Variants in RGS8 observed in about 807,000 individuals in gnomAD.
The protein encoded by RGS8 is regulator of G protein signaling 8, also known as regulator of G-protein signaling 8.
RGS8 carries 8 observed loss-of-function variants against 21.7 expected under a neutral mutation model. The observed-to-expected ratio is 0.37, with a 90% CI of 0.22 to 0.66. RGS8 has a LOEUF of 0.66. Ranked by LOEUF, RGS8 falls within the 30% of genes least tolerant of loss-of-function variation. The probability of loss-of-function intolerance (pLI) is 0.59; values close to 1 mark genes in which losing one functional copy is unlikely to be tolerated. For missense variants in RGS8, 157 were observed against 217.9 expected (o/e 0.72, Z 1.76); for synonymous variants, 80 against 83.6 (o/e 0.96, Z 0.24).
chr1:182,643,304 G>C (rs1274673888), downstream of RGS8: 1 of 126,322 alleles, frequency 7.9e-6, no homozygotes, highest in South Asian at 2.5e-4. Context: ...CCACACAGCT[G>C]TGTCTCCCCC....
the RGS8 span, among the ~76,000 whole-genome samples, chr1:182,742,043 A>G: frequency 3.3e-5 from 4 of 122,754 alleles, no homozygotes; most frequent in South Asian, 2.9e-4. Context: ...CCGGGCAGAG[A>G]CGCTCCTCAC....
chr1:182,713,823 A>G, the RGS8 span, among the ~76,000 whole-genome samples: 1 of 152,314 alleles, frequency 6.6e-6, no homozygotes, highest in East Asian at 1.9e-4. Context: ...AAAAACACCA[A>G]TTTATCTCTC....
chr1:182,646,748 C>T (rs767453152), exon 7 of RGS8: 13 of 1,612,646 alleles, frequency 8.1e-6, no homozygotes, highest in African/African-American at 8.0e-5. Flanking sequence ...ACTGAGCCTC[C>T]TCTGGCTTTG....
the RGS8 span, among the ~76,000 whole-genome samples, chr1:182,709,482 G>A: frequency 6.6e-6 from 1 of 152,114 alleles, no homozygotes; most frequent in Non-Finnish European, 1.5e-5. Flanking sequence ...CCACATCAAT[G>A]TGACACCTCA....
At chr1:182,747,041 G>GTATTTTTT in the RGS8 span, among the ~76,000 whole-genome samples, 2 of 26,194 alleles carry the variant, frequency 7.6e-5, no homozygotes, top group Non-Finnish European at 2.2e-4. Context: ...AACACTGCTG[G>GTATTTTTT]TCTTTTTTTT....
chr1:182,723,569 T>G, the RGS8 span, among the ~76,000 whole-genome samples: 3 of 152,188 alleles, frequency 2.0e-5, no homozygotes, highest in African/African-American at 7.2e-5. Context: ...TGCAATCTTA[T>G]TAAATCTAAT....
At chr1:182,662,669 G>A (rs1663650595) in intron 5 of RGS8, among the ~76,000 whole-genome samples, 1 of 152,208 alleles carries the variant, frequency 6.6e-6, no homozygotes, top group Middle Eastern at 3.2e-3. Flanking sequence ...TTGAAGAGGA[G>A]CACTGATGTC....
chr1:182,702,492 C>G, the RGS8 span, among the ~76,000 whole-genome samples: 26 of 152,232 alleles, frequency 1.7e-4, no homozygotes, highest in African/African-American at 6.0e-4. Context: ...GCAATATACC[C>G]AGGTAACAAA....
At chr1:182,720,879 GTATATATATACACA>G in the RGS8 span, among the ~76,000 whole-genome samples, 1 of 129,002 alleles carries the variant, frequency 7.8e-6, no homozygotes, top group Non-Finnish European at 1.6e-5. Flanking sequence ...ACACATATAT[GTATATATATACACA>G]TATATATACA....
At chr1:182,645,133 C>T (rs1427619133), downstream of RGS8, 1 of 152,252 alleles carries the variant, frequency 6.6e-6, no homozygotes, top group Non-Finnish European at 1.5e-5. Flanking sequence ...ACGCCACCAG[C>T]ATAACGTTAA....
the RGS8 span, among the ~76,000 whole-genome samples, chr1:182,696,439 C>T: frequency 6.6e-6 from 1 of 152,112 alleles, no homozygotes; most frequent in East Asian, 1.9e-4. Context: ...CTCACTGCAA[C>T]CTCTGCCTCT....
intron 6 of RGS8, 138 bp from the exon 8 acceptor site, chr1:182,647,055 G>C: frequency 2.7e-6 from 2 of 729,056 alleles, no homozygotes. Flanking sequence ...TTGCTTCCAT[G>C]GAGGTCATCC....
In RGS8 at chr1:182,646,876, G is replaced by T. The variant is rs75416974; in HGVS notation, c.402C>A (p.Asn134Lys). ...AGCAAGTCAGGGATGGCTCCTGCAG[G>T]TTCTTCCTCGTGGCTTCTCGGGTCT... The change falls in exon 7 of 7, where the codon AAC (asparagine) becomes AAA (lysine). Residue 134 changes from asparagine (N) to lysine (K), a missense_variant. Coordinates refer to ENST00000483095, the Ensembl canonical transcript of RGS8. 2.7e-5 allele frequency: 43 copies of T among 1,614,090 alleles called. 1 individual carries two copies. The highest frequency in any genetic ancestry group is 2.0e-4 in the Admixed American group (12 of 60,024).
the RGS8 span, among the ~76,000 whole-genome samples, chr1:182,741,910 T>C: frequency 3.2e-5 from 4 of 125,516 alleles, no homozygotes; most frequent in Admixed American, 7.8e-5. Flanking sequence ...CCGGAGGAGG[T>C]GGCTGCCGGG....
the RGS8 span, among the ~76,000 whole-genome samples, chr1:182,704,815 A>G: frequency 2.0e-5 from 3 of 152,292 alleles, no homozygotes; most frequent in Admixed American, 2.0e-4. Context: ...AATTCGCACA[A>G]GACACCTCCA....
At chr1:182,646,502 G>A in exon 7 of RGS8, 1 of 483,202 alleles carries the variant, frequency 2.1e-6, no homozygotes, top group Non-Finnish European at 3.6e-6. Flanking sequence ...AGAAAAGGGT[G>A]ACAGCGGCAA....
the RGS8 span, among the ~76,000 whole-genome samples, chr1:182,743,674 A>G: frequency 6.6e-6 from 1 of 152,270 alleles, no homozygotes; most frequent in Non-Finnish European, 1.5e-5. Flanking sequence ...AAATGCATTT[A>G]CCCCAGTTAT....
the RGS8 span, among the ~76,000 whole-genome samples, chr1:182,732,782 G>T: frequency 6.6e-6 from 1 of 152,174 alleles, no homozygotes; most frequent in Admixed American, 6.5e-5. Context: ...AGCTCCTGGA[G>T]GATTCTTTGA....
chr1:182,740,013 T>G, the RGS8 span, among the ~76,000 whole-genome samples: 1 of 143,744 alleles, frequency 7.0e-6, no homozygotes, highest in Admixed American at 7.1e-5. Context: ...TGGGTGAAAC[T>G]AGCCTCCAAT....
Sources: gnomAD v4.1 joint callset for allele counts (sites outside exome capture counted in the v4.1 genomes callset) on GRCh38, gnomAD v4.1.1 for gene constraint, MANE v1.5 for transcripts, NCBI Gene and HGNC (gene_info 2026-07-23, HGNC 2026-07-21) for gene names.